STARD13: variants seen among roughly 807,000 people sequenced by gnomAD.
STARD13 encodes stAR-related lipid transfer protein 13.
STARD13 carries 62 observed loss-of-function variants against 106.4 expected under a neutral mutation model. The ratio of observed to expected loss-of-function variants is 0.58; its 90% CI spans 0.48 to 0.72. The LOEUF (loss-of-function observed/expected upper bound fraction) is 0.72, where lower values mean the gene tolerates loss of function less well. Among genes scored for constraint, STARD13 ranks in the 30% least tolerant of loss-of-function variants. STARD13 has a pLI of 0.00. For missense variants in STARD13, 1,387 were observed against 1,424.0 expected (o/e 0.97, Z 0.42); for synonymous variants, 565 against 553.0 (o/e 1.02, Z -0.31).
the STARD13 span, among the ~76,000 whole-genome samples, chr13:33,586,780 A>G: frequency 1.3e-5 from 2 of 152,188 alleles, no homozygotes; most frequent in African/African-American, 4.8e-5. Context: ...TAGCACCTTC[A>G]TTAATCCCTG....
chr13:33,599,525 C>G, the STARD13 span, among the ~76,000 whole-genome samples: 1 of 152,158 alleles, frequency 6.6e-6, no homozygotes, highest in Non-Finnish European at 1.5e-5. Context: ...AGTGAATTGC[C>G]TCTATCCTCC....
chr13:33,510,022 G>A, the STARD13 span, among the ~76,000 whole-genome samples: 25,567 of 152,180 alleles, frequency 0.17, 3,401 homozygotes, highest in African/African-American at 0.37. Context: ...TCTTTGCCCA[G>A]CAGCATGAGA....
chr13:33,468,478 C>T, the STARD13 span, among the ~76,000 whole-genome samples: 1 of 152,124 alleles, frequency 6.6e-6, no homozygotes, highest in African/African-American at 2.4e-5. Flanking sequence ...GGGGACATTT[C>T]TCTCATGGGT....
the STARD13 span, among the ~76,000 whole-genome samples, chr13:33,635,013 A>T: frequency 9.4e-4 from 143 of 152,342 alleles, no homozygotes; most frequent in African/African-American, 3.3e-3. Flanking sequence ...CCAAAGGGGA[A>T]CATTTGAGAT....
the STARD13 span, among the ~76,000 whole-genome samples, chr13:33,502,746 T>C: frequency 6.6e-6 from 1 of 152,230 alleles, no homozygotes; most frequent in Non-Finnish European, 1.5e-5. Context: ...AACTTGATCA[T>C]AGTGGATAAG....
Position 33,112,777 on chromosome 13 carries a change from C to A in STARD13, c.2436G>T (p.Val812=). The A allele has an allele frequency of 6.2e-7, 1 of 1,613,498 alleles. No individual in the cohort carries two copies. The highest frequency in any genetic ancestry group is 8.5e-7 in the Non-Finnish European group (1 of 1,179,772). The change falls in exon 9 of 14, where the codon GTG becomes GTT. Residue 812 remains valine (V), a synonymous_variant. Coordinates refer to ENST00000336934, the MANE Select transcript of STARD13 (RefSeq NM_178006.4). ...ENQMTPMNLA[V]CLAPSLFHLN... Reference sequence around the variant, plus strand: ...GATGAAAGAGGGAGGGGGCCAGACACACTGCCAGGTTCATGGGCGTCATCT... The same window carrying A: ...GATGAAAGAGGGAGGGGGCCAGACAAACTGCCAGGTTCATGGGCGTCATCT...
At chr13:33,169,781 T>C (rs867262158) in intron 1 of STARD13, among the ~76,000 whole-genome samples, 4 of 152,068 alleles carry the variant, frequency 2.6e-5, no homozygotes, top group African/African-American at 7.2e-5. Context: ...GAGTGGGAAG[T>C]GACCTATGAA....
intron 1 of STARD13, among the ~76,000 whole-genome samples, chr13:33,339,741 A>G (rs1382879617): frequency 6.6e-6 from 1 of 152,220 alleles, no homozygotes; most frequent in Non-Finnish European, 1.5e-5. Context: ...CATTGTAACA[A>G]TAAGTTCTCT....
the STARD13 span, among the ~76,000 whole-genome samples, chr13:33,589,706 G>A: frequency 6.6e-6 from 1 of 152,148 alleles, no homozygotes; most frequent in Non-Finnish European, 1.5e-5. Context: ...GCTGAGGAGT[G>A]CTTTATTTTC....
chr13:33,195,906 G>A (rs574698410), intron 1 of STARD13, among the ~76,000 whole-genome samples: 3 of 152,218 alleles, frequency 2.0e-5, no homozygotes, highest in Admixed American at 2.0e-4. Flanking sequence ...TGAAATGAGT[G>A]CTCTGTACTG....
At chr13:33,145,872 T>C (rs1212984268) in intron 3 of STARD13, among the ~76,000 whole-genome samples, 1 of 152,184 alleles carries the variant, frequency 6.6e-6, no homozygotes, top group African/African-American at 2.4e-5. Flanking sequence ...ACTGGGGGAC[T>C]TTTTGAGGTC....
intron 1 of STARD13, chr13:33,280,221 G>C (rs543459030): frequency 6.6e-6 from 1 of 152,304 alleles, no homozygotes; most frequent in South Asian, 2.1e-4. Flanking sequence ...ACTTAGGTTG[G>C]GCAAATTCCC....
the STARD13 span, among the ~76,000 whole-genome samples, chr13:33,446,129 C>T: frequency 6.6e-6 from 1 of 152,160 alleles, no homozygotes; most frequent in Admixed American, 6.5e-5. Flanking sequence ...GTTAACCAAA[C>T]TATCAGTTGA....
rs376803948 is a variant in STARD13, at chr13:33,220,610, T to G, written c.170-52988A>C. Reference sequence around the variant, plus strand: ...GGGAGGCTGAGGCAGAAGAATTGTTTGAACCTGGGAGGCGGAGGTTGCAGT... The same window carrying G: ...GGGAGGCTGAGGCAGAAGAATTGTTGGAACCTGGGAGGCGGAGGTTGCAGT... On this transcript the variant is annotated intron_variant, in intron 1 of 13. Coordinates refer to ENST00000336934, the MANE Select transcript of STARD13 (RefSeq NM_178006.4). Among the ~76,000 whole-genome samples the G allele has an allele frequency of 4.5e-4, 68 of 152,304 alleles. 1 individual carries two copies. Among genetic ancestry groups the G allele is most frequent in the African/African-American group, 1.6e-3 (67 of 41,562 alleles).
chr13:33,121,833 C>T (rs1430683788), intron 7 of STARD13, among the ~76,000 whole-genome samples: 2 of 144,102 alleles, frequency 1.4e-5, no homozygotes, highest in Non-Finnish European at 3.1e-5. Flanking sequence ...GTGTGCACCA[C>T]CACGCCCAGC....
chr13:33,535,621 G>A, the STARD13 span, among the ~76,000 whole-genome samples: 29 of 152,120 alleles, frequency 1.9e-4, no homozygotes, highest in African/African-American at 7.0e-4. Context: ...TGCTCCAAAG[G>A]AGGAGAAAGT....
intron 3 of STARD13, among the ~76,000 whole-genome samples, chr13:33,160,382 G>A (rs896748331): frequency 1.3e-5 from 2 of 152,108 alleles, no homozygotes; most frequent in Non-Finnish European, 2.9e-5. Context: ...GTGACCCTAT[G>A]TTAGGCAAAT....
At chr13:33,136,135 A>G (rs1879025014) in intron 4 of STARD13, among the ~76,000 whole-genome samples, 1 of 147,254 alleles carries the variant, frequency 6.8e-6, no homozygotes, top group African/African-American at 2.4e-5. Context: ...AAAAAAAATT[A>G]TATATATCTT....
the STARD13 span, among the ~76,000 whole-genome samples, chr13:33,376,076 C>A: frequency 2.0e-5 from 3 of 151,880 alleles, no homozygotes; most frequent in Admixed American, 2.0e-4. Flanking sequence ...ATGGTTTGAC[C>A]ATATTACTTA....
Sources: allele counts gnomAD v4.1 joint callset (sites outside exome capture counted in the v4.1 genomes callset), GRCh38; gene constraint gnomAD v4.1.1; transcripts MANE v1.5; gene names NCBI Gene and HGNC (gene_info 2026-07-23, HGNC 2026-07-21).